The following IQCB1 variants were observed in gnomAD, a reference collection of about 807,000 sequenced individuals.
IQCB1 encodes the protein IQ motif containing B1.
In IQCB1, 56 loss-of-function variants were observed where a neutral mutation model predicts 84.4. The observed-to-expected ratio is 0.66, with a 90% CI of 0.54 to 0.83. The LOEUF (loss-of-function observed/expected upper bound fraction) is 0.83. IQCB1 is among the 40% of genes least tolerant of loss of function. The pLI, the probability that IQCB1 is intolerant of heterozygous loss-of-function variation, is 0.00. For missense variants in IQCB1, 629 were observed against 682.1 expected, an observed-to-expected ratio of 0.92 and a Z score of 0.87; for synonymous variants, 210 against 234.8, an observed-to-expected ratio of 0.89 and a Z score of 0.96.
chr3:121,812,608 G>A (rs1163270904), intron 5 of IQCB1, among the ~76,000 whole-genome samples: 2 of 152,140 alleles, frequency 1.3e-5, no homozygotes, highest in African/African-American at 2.4e-5. Flanking sequence ...CACAGCATGA[G>A]AACTTCATGA....
intron 5 of IQCB1, among the ~76,000 whole-genome samples, chr3:121,817,372 C>G (rs950947412): frequency 2.0e-5 from 3 of 151,648 alleles, no homozygotes; most frequent in Admixed American, 2.0e-4. Flanking sequence ...ACATGTATAC[C>G]CATGTAACAA....
At chr3:121,795,800 C>T (rs538013656) in intron 9 of IQCB1, among the ~76,000 whole-genome samples, 2 of 152,206 alleles carry the variant, frequency 1.3e-5, no homozygotes, top group African/African-American at 4.8e-5. Context: ...AATAATCTCA[C>T]TTCCATTTCC....
chr3:121,786,176 A>AAAAGAAAAG (rs1948717095), intron 12 of IQCB1, among the ~76,000 whole-genome samples: 2 of 134,206 alleles, frequency 1.5e-5, no homozygotes, highest in Non-Finnish European at 1.6e-5. Context: ...GTCTCAAAAG[A>AAAAGAAAAG]AAAGAAAAGA....
At chr3:121,793,182 G>A (rs955231374) in intron 10 of IQCB1, among the ~76,000 whole-genome samples, 4 of 152,168 alleles carry the variant, frequency 2.6e-5, no homozygotes, top group Non-Finnish European at 5.9e-5. Context: ...CTATGATAGA[G>A]GTAGGTAAAT....
chr3:121,803,692 T>C (rs564562257), intron 7 of IQCB1, among the ~76,000 whole-genome samples: 1 of 152,350 alleles, frequency 6.6e-6, no homozygotes, highest in Non-Finnish European at 1.5e-5. Context: ...TTTATGATTA[T>C]GAAATAACCT....
At chr3:121,810,448 G>T (rs972256036) in intron 5 of IQCB1, among the ~76,000 whole-genome samples, 1 of 151,860 alleles carries the variant, frequency 6.6e-6, no homozygotes, top group Admixed American at 6.6e-5. Context: ...TAACATTAAA[G>T]AATCTTTATC....
chr3:121,782,271 A>G (rs887633015), intron 12 of IQCB1, among the ~76,000 whole-genome samples: 2 of 152,236 alleles, frequency 1.3e-5, no homozygotes, highest in Non-Finnish European at 2.9e-5. Context: ...AGGAGACAGT[A>G]TATTTCTGTC....
At chr3:121,808,747 T>C (rs1949705965) in intron 6 of IQCB1, among the ~76,000 whole-genome samples, 169 bp downstream of exon 6, 1 of 152,046 alleles carries the variant, frequency 6.6e-6, no homozygotes, top group South Asian at 2.1e-4. Flanking sequence ...GTAGGCTATG[T>C]AAAACTGGAA....
chr3:121,791,046 G>C (rs888152739), intron 10 of IQCB1, among the ~76,000 whole-genome samples: 1 of 152,088 alleles, frequency 6.6e-6, no homozygotes, highest in Admixed American at 6.5e-5. Context: ...TATGTAAGGA[G>C]ACTACAAGTG....
chr3:121,833,406 A>G (rs1166733101), intron 2 of IQCB1, among the ~76,000 whole-genome samples: 1 of 152,228 alleles, frequency 6.6e-6, no homozygotes, highest in Non-Finnish European at 1.5e-5. Context: ...CTCTTGTTAC[A>G]ATAGAGAAAG....
Position 121,789,856 on chromosome 3 carries a change from A to C in IQCB1, c.1129+217T>G, listed in dbSNP as rs559792811. Among the ~76,000 whole-genome samples, 3 of 152,338 alleles carry C rather than the reference A, an allele frequency of 2.0e-5. No homozygotes were observed. In the South Asian group the frequency reaches 6.2e-4, roughly 32 times the overall value. ...AATTATCTGAAGGATAAGAAAAAAA[A>C]CTGGTGGGGAGATTGTTCATCGTCA... is the stretch of plus-strand genomic sequence containing the variant. On this transcript the variant is annotated intron_variant, in intron 11 of 14. Transcript: ENST00000310864.
chr3:121,808,001 T>A (rs895555117), intron 6 of IQCB1, among the ~76,000 whole-genome samples: 1 of 151,964 alleles, frequency 6.6e-6, no homozygotes, highest in Non-Finnish European at 1.5e-5. Flanking sequence ...TTAGAAACCA[T>A]TTCTTCATCT....
chr3:121,820,746 T>A lies in IQCB1; in HGVS notation c.393+5305A>T, dbSNP rs1049884748. 2.6e-5 allele frequency among the ~76,000 whole-genome samples: 4 copies of A among 152,198 alleles called. No individual in the cohort carries two copies. The South Asian group carries it at 8.3e-4, about 32-fold the overall frequency. The stretch of plus-strand genomic sequence containing the variant: ...ATATATTATCTGTATAAAAGCAGTG[T>A]CTGATAGTACACCTTTTATATTCTT... On this transcript the variant is annotated intron_variant, in intron 5 of 14. Transcript: ENST00000310864.
chr3:121,770,993 C>CA (rs1267372187), intron 14 of IQCB1, among the ~76,000 whole-genome samples: 1 of 151,908 alleles, frequency 6.6e-6, no homozygotes, highest in Non-Finnish European at 1.5e-5. Context: ...TTTTTTGAGA[C>CA]AGAGTTTTGC....
chr3:121,834,167 G>A (rs953313851), intron 2 of IQCB1: 1 of 152,228 alleles, frequency 6.6e-6, no homozygotes, highest in African/African-American at 2.4e-5. Flanking sequence ...GGTTGAAGGA[G>A]ACATAACCAC....
At chr3:121,805,972 GA>G (rs1381096692) in intron 7 of IQCB1, among the ~76,000 whole-genome samples, 2 of 151,976 alleles carry the variant, frequency 1.3e-5, no homozygotes, top group Non-Finnish European at 2.9e-5. Context: ...CTTCAACCTG[GA>G]AACTCTCTCA....
Position 121,790,151 on chromosome 3 carries a change from G to A in IQCB1, c.1051C>T (p.Gln351Ter), listed in dbSNP as rs1948905237. 1.2e-6 allele frequency: 2 copies of A among 1,613,252 alleles called. No individual in the cohort carries two copies. Among genetic ancestry groups the A allele is most frequent in the Non-Finnish European group, 8.5e-7 (1 of 1,179,256 alleles). The change falls in exon 11 of 15, where the codon CAA (glutamine) becomes TAA (stop). Residue 351 changes from glutamine (Q) to a stop codon, truncating the protein, a stop_gained. Coordinates refer to ENST00000310864, the MANE Select transcript of IQCB1 (RefSeq NM_001023570.4). LOFTEE classifies it high-confidence loss of function. The stretch of plus-strand genomic sequence containing the variant: ...GCTCTCTGTCTTTGAAGTTGCAATT[G>A]TAATTTGAGGTCCTCTTCTTCCTTC... ...RQKEEEDLKL[Q>*]LQLQRQRAMR... is the part of the protein sequence containing the mutation.
chr3:121,790,023 A>G lies in IQCB1; in HGVS notation c.1129+50T>C, dbSNP rs528562520. 2.3e-5 allele frequency: 35 copies of G among 1,551,200 alleles called. No individual in the cohort carries two copies. The East Asian group carries it at 3.4e-4, about 15-fold the overall frequency. On this transcript the variant is annotated intron_variant, in intron 11 of 14. Coordinates refer to ENST00000310864, the MANE Select transcript of IQCB1 (RefSeq NM_001023570.4). ...CGTAGCTAGAAAAGTTGGTTTGTTA[A>G]AAGATAACCTAAATATTCTTATATT... is the stretch of plus-strand genomic sequence containing the variant.
intron 5 of IQCB1, among the ~76,000 whole-genome samples, chr3:121,822,343 G>A (rs1247630847): frequency 1.3e-5 from 2 of 152,134 alleles, no homozygotes; most frequent in African/African-American, 4.8e-5. Flanking sequence ...GCTTTTCCCA[G>A]TGTGTGTTTA....
Sources: allele counts gnomAD v4.1 joint callset (sites outside exome capture counted in the v4.1 genomes callset), GRCh38; gene constraint gnomAD v4.1.1; transcripts MANE v1.5; gene names NCBI Gene and HGNC (gene_info 2026-07-23, HGNC 2026-07-21).